The following ANO4 variants were observed in gnomAD, a reference collection of about 807,000 sequenced individuals.
ANO4 encodes anoctamin-4.
Under a neutral mutation model 141.9 loss-of-function variants are expected in ANO4, and 69 were observed. That is an observed-to-expected ratio of 0.49 (90% CI 0.40 to 0.59). The LOEUF (loss-of-function observed/expected upper bound fraction) is 0.59, where lower values mean the gene tolerates loss of function less well. Among genes scored for constraint, ANO4 ranks in the 20% least tolerant of loss-of-function variants. ANO4 has a pLI of 0.00. For missense variants in ANO4, 894 were observed against 1,162.2 expected (o/e 0.77, Z 3.36); for synonymous variants, 350 against 394.3 (o/e 0.89, Z 1.33).
At chr12:100,898,248 T>C (rs560930236) in intron 1 of ANO4, among the ~76,000 whole-genome samples, 90 of 152,350 alleles carry the variant, frequency 5.9e-4, no homozygotes, top group Non-Finnish European at 2.9e-4. Context: ...ATGTAATTTA[T>C]TGGCTGACAA....
chr12:101,107,485 A>C (rs1041991646), intron 22 of ANO4, among the ~76,000 whole-genome samples: 1 of 152,160 alleles, frequency 6.6e-6, no homozygotes, highest in Non-Finnish European at 1.5e-5. Context: ...TGAAAGACTC[A>C]AGAGGGTATA....
chr12:101,017,518 CAAAT>C (rs1336240195), intron 8 of ANO4, among the ~76,000 whole-genome samples: 2 of 151,520 alleles, frequency 1.3e-5, no homozygotes, highest in African/African-American at 4.8e-5. Context: ...GATTTGGAAA[CAAAT>C]GAATAAAAAC....
intron 9 of ANO4, among the ~76,000 whole-genome samples, chr12:101,030,923 T>C (rs2046949162): frequency 6.6e-6 from 1 of 152,146 alleles, no homozygotes; most frequent in Non-Finnish European, 1.5e-5. Context: ...TAACAAGTTC[T>C]GAAATTGAGG....
intron 22 of ANO4, 128 bp downstream of exon 22, chr12:101,099,848 AG>A: frequency 2.9e-6 from 2 of 688,028 alleles, no homozygotes; most frequent in Non-Finnish European, 2.2e-6. Context: ...ACAGAGAGGA[AG>A]GCATGTCCTG....
chr12:100,890,333 A>C (rs1389874857), intron 1 of ANO4, among the ~76,000 whole-genome samples: 1 of 152,198 alleles, frequency 6.6e-6, no homozygotes. Context: ...TTCCCTATTT[A>C]ATAAAAATTT....
At chr12:100,953,878 G>A (rs575951790) in intron 5 of ANO4, among the ~76,000 whole-genome samples, 1 of 133,570 alleles carries the variant, frequency 7.5e-6, no homozygotes, top group African/African-American at 4.0e-5. Context: ...GTAACTGAAT[G>A]GGGGGGTATG....
At chr12:101,049,876 G>C (rs2047790764) in intron 14 of ANO4, among the ~76,000 whole-genome samples, 2 of 152,286 alleles carry the variant, frequency 1.3e-5, no homozygotes, top group South Asian at 4.1e-4. Context: ...CCACAGGTTG[G>C]TGAGTGGCCT....
intron 2 of ANO4, among the ~76,000 whole-genome samples, chr12:100,915,175 A>G (rs2136079664): frequency 6.6e-6 from 1 of 152,214 alleles, no homozygotes; most frequent in Admixed American, 6.5e-5. Flanking sequence ...GGAACACAGA[A>G]TTCACCTATG....
intron 7 of ANO4, chr12:100,987,156 C>G (rs2136330693): frequency 5.8e-6 from 1 of 173,652 alleles, no homozygotes; most frequent in South Asian, 1.4e-4. Flanking sequence ...AGATGTTTTC[C>G]AAACACAAAA....
intron 1 of ANO4, among the ~76,000 whole-genome samples, chr12:100,826,991 G>A (rs933595352): frequency 2.0e-5 from 3 of 151,884 alleles, no homozygotes; most frequent in African/African-American, 7.3e-5. Context: ...ACTTCTAACT[G>A]GCCGTCCTAC....
chr12:100,733,632 G>GTTCACTCATTCA, intron 1 of ANO4: 1 of 554,526 alleles, frequency 1.8e-6, no homozygotes, highest in East Asian at 3.0e-5. Flanking sequence ...AACGTTGATG[G>GTTCACTCATTCA]GTGAACCACT....
intron 21 of ANO4, among the ~76,000 whole-genome samples, chr12:101,099,376 A>G (rs751370205): frequency 6.6e-6 from 1 of 152,200 alleles, no homozygotes; most frequent in Non-Finnish European, 1.5e-5. Context: ...AAGTTCATCA[A>G]TCATTCTGTT....
intron 19 of ANO4, 66 bp from the exon 20 acceptor site, chr12:101,097,585 A>T: frequency 6.8e-7 from 1 of 1,463,038 alleles, no homozygotes; most frequent in Non-Finnish European, 9.6e-7. Flanking sequence ...TGCTAAACTA[A>T]ATGTAATATT....
intron 7 of ANO4, among the ~76,000 whole-genome samples, chr12:100,977,140 C>T (rs1220035358): frequency 2.0e-5 from 3 of 152,194 alleles, no homozygotes; most frequent in Admixed American, 2.0e-4. Context: ...TCTATTAATA[C>T]TTATTACATG....
intron 3 of ANO4, among the ~76,000 whole-genome samples, chr12:100,761,721 A>G (rs2135527186): frequency 6.6e-6 from 1 of 152,290 alleles, no homozygotes; most frequent in African/African-American, 2.4e-5. Flanking sequence ...GATTTGAGAA[A>G]AGCCTTCTGA....
In ANO4 at chr12:101,075,687, TAA is replaced by T. The variant is rs1237076423; in HGVS notation, c.1313-3504_1313-3503del. On this transcript the variant is annotated intron_variant, in intron 14 of 27. Coordinates refer to ENST00000392977, the MANE Select transcript of ANO4 (RefSeq NM_001286615.2). ...TACACATATATCTTTATATAAAACA[TAA>T]AGATACATATATCTTTATATAAAAC... Among the ~76,000 whole-genome samples, 6 of 144,652 alleles carry T rather than the reference TAA, an allele frequency of 4.1e-5. No individual in the cohort carries two copies. In the East Asian group the frequency reaches 1.0e-3, roughly 24 times the overall value. 94.9% of individuals were successfully genotyped at this position (144,652 alleles called of 152,430 possible).
intron 1 of ANO4, among the ~76,000 whole-genome samples, chr12:100,841,540 G>C (rs970860193): frequency 3.3e-5 from 5 of 152,088 alleles, no homozygotes; most frequent in African/African-American, 1.2e-4. Context: ...ATGAATAGGG[G>C]GTTGCAAGCT....
At chr12:101,075,708 AT>A (rs2048995047) in intron 14 of ANO4, among the ~76,000 whole-genome samples, 1 of 53,728 alleles carries the variant, frequency 1.9e-5, no homozygotes, top group African/African-American at 1.3e-4. Context: ...ATATCTTTAT[AT>A]AAAACAAATA....
chr12:100,745,192 A>T (rs1318957682), intron 3 of ANO4, among the ~76,000 whole-genome samples: 1 of 152,190 alleles, frequency 6.6e-6, no homozygotes, highest in Admixed American at 6.6e-5. Context: ...TTGATTCTTT[A>T]CTGTTCCCTA....
Sources: gnomAD v4.1 joint callset for allele counts (sites outside exome capture counted in the v4.1 genomes callset) on GRCh38, gnomAD v4.1.1 for gene constraint, MANE v1.5 for transcripts, NCBI Gene and HGNC (gene_info 2026-07-23, HGNC 2026-07-21) for gene names.